RALGPS1: variants seen among roughly 807,000 people sequenced by gnomAD.
RALGPS1 encodes the protein ras-specific guanine nucleotide-releasing factor RalGPS1.
Under a neutral mutation model 78.8 loss-of-function variants are expected in RALGPS1, and 19 were observed. That is an observed-to-expected ratio of 0.24 (90% CI 0.17 to 0.35). The LOEUF (loss-of-function observed/expected upper bound fraction) is 0.35, where lower values mean the gene tolerates loss of function less well. RALGPS1 is among the 10% of genes least tolerant of loss of function. The pLI is 1.00. For synonymous variants in RALGPS1, 228 were observed against 256.3 expected, an observed-to-expected ratio of 0.89 and a Z score of 1.06; for missense variants, 454 against 688.3, an observed-to-expected ratio of 0.66 and a Z score of 3.81.
At chr9:127,069,083 A>G (rs745538240) in intron 7 of RALGPS1, 147 bp from the exon 8 acceptor site, 105 of 788,134 alleles carry the variant, frequency 1.3e-4, no homozygotes, top group Non-Finnish European at 1.9e-4. Flanking sequence ...TGCACGAAAC[A>G]GCCTTTTAAA....
chr9:127,093,443 A>T (rs141290453), intron 8 of RALGPS1, among the ~76,000 whole-genome samples: 3 of 151,634 alleles, frequency 2.0e-5, no homozygotes, highest in Non-Finnish European at 2.9e-5. Context: ...GCGTTTCTAA[A>T]CTCTCACCCT....
intron 2 of RALGPS1, among the ~76,000 whole-genome samples, chr9:126,965,571 T>A (rs1305285259): frequency 1.3e-5 from 2 of 152,214 alleles, no homozygotes; most frequent in African/African-American, 2.4e-5. Flanking sequence ...ATAGCTGAGA[T>A]ACCTTGGAGA....
intron 4 of RALGPS1, among the ~76,000 whole-genome samples, chr9:127,015,421 G>T (rs1355853464): frequency 6.6e-6 from 1 of 152,186 alleles, no homozygotes; most frequent in East Asian, 1.9e-4. Flanking sequence ...GATACAGTAA[G>T]CAAACTGTTA....
chr9:127,060,724 CAT>C (rs2049139341), intron 7 of RALGPS1, among the ~76,000 whole-genome samples: 1 of 152,148 alleles, frequency 6.6e-6, no homozygotes, highest in South Asian at 2.1e-4. Context: ...CTCTCCAAAA[CAT>C]ACCTTCAAGG....
chr9:127,003,893 T>G (rs1167255102), intron 4 of RALGPS1, among the ~76,000 whole-genome samples: 1 of 152,176 alleles, frequency 6.6e-6, no homozygotes, highest in Non-Finnish European at 1.5e-5. Context: ...AGCATCTCTG[T>G]CAGCACTTTA....
chr9:127,012,592 T>C (rs2044450131), intron 4 of RALGPS1, among the ~76,000 whole-genome samples: 1 of 152,172 alleles, frequency 6.6e-6, no homozygotes, highest in African/African-American at 2.4e-5. Context: ...GTGGAGGTAG[T>C]CAGGACGGGC....
chr9:126,963,447 A>G (rs1203564018), intron 2 of RALGPS1, among the ~76,000 whole-genome samples: 1 of 152,170 alleles, frequency 6.6e-6, no homozygotes, highest in African/African-American at 2.4e-5. Flanking sequence ...ATGTACATAT[A>G]TGTGTATCCA....
chr9:127,131,291 G>T (rs1347370924), intron 8 of RALGPS1, among the ~76,000 whole-genome samples: 1 of 152,222 alleles, frequency 6.6e-6, no homozygotes. Context: ...CACTAAACTA[G>T]TCTAAAGGGC....
At chr9:127,047,713 A>G (rs1229864798) in intron 5 of RALGPS1, among the ~76,000 whole-genome samples, 1 of 151,244 alleles carries the variant, frequency 6.6e-6, no homozygotes, top group Non-Finnish European at 1.5e-5. Flanking sequence ...AAAAAAAAAA[A>G]GGAAAAAAAG....
intron 8 of RALGPS1, among the ~76,000 whole-genome samples, chr9:127,154,332 C>T (rs1265610818): frequency 6.6e-6 from 1 of 152,250 alleles, no homozygotes; most frequent in East Asian, 1.9e-4. Context: ...GAGATGGCTC[C>T]TGCCATGGAG....
chr9:127,138,840 G>A (rs1394956231), intron 8 of RALGPS1, among the ~76,000 whole-genome samples: 1 of 152,158 alleles, frequency 6.6e-6, no homozygotes, highest in African/African-American at 2.4e-5. Flanking sequence ...CTCAGCTCAT[G>A]GTAGCCATTC....
intron 7 of RALGPS1, among the ~76,000 whole-genome samples, chr9:127,063,581 G>C (rs1282957245): frequency 6.6e-6 from 1 of 151,898 alleles, no homozygotes; most frequent in Non-Finnish European, 1.5e-5. Context: ...TTGATATTTA[G>C]CTTTTTTTAG....
intron 4 of RALGPS1, among the ~76,000 whole-genome samples, chr9:127,013,645 G>T (rs775893376): frequency 4.6e-5 from 7 of 152,182 alleles, no homozygotes; most frequent in Non-Finnish European, 1.0e-4. Context: ...TGCCCAATCT[G>T]TGGTTTTAAA....
In RALGPS1 at chr9:127,221,904, C is replaced by T. The variant is rs996897148; in HGVS notation, c.*3135C>T. 6.6e-6 allele frequency: 1 copy of T among 152,150 alleles called. No homozygotes were observed. The highest frequency in any genetic ancestry group is 6.5e-5 in the Admixed American group (1 of 15,282). The allele number at this position is 152,150 out of a possible 1,614,324, so 9.4% of individuals were successfully genotyped here. A position where few individuals can be genotyped will look rare whatever the true frequency, so the allele number is the denominator to read the frequency against. Reference sequence around the variant, plus strand: ...CCTCAGGTGGGGCCCAGAGCCCTTCCCCGAGACTGCTGATGTCTGTAACCA... The same window carrying T: ...CCTCAGGTGGGGCCCAGAGCCCTTCTCCGAGACTGCTGATGTCTGTAACCA... On this transcript the variant is annotated 3_prime_UTR_variant, in exon 19 of 19. Coordinates refer to ENST00000259351, the MANE Select transcript of RALGPS1 (RefSeq NM_014636.3).
chr9:127,217,047 C>T lies in RALGPS1; in HGVS notation c.1645-1693C>T, dbSNP rs968848034. The T allele has an allele frequency of 2.0e-6, 3 of 1,467,518 alleles. No homozygotes were observed. The South Asian group carries it at 4.2e-5, about 21-fold the overall frequency. 90.9% of individuals were successfully genotyped at this position (1,467,518 alleles called of 1,614,324 possible). On this transcript the variant is annotated intron_variant, in intron 18 of 18. Coordinates refer to ENST00000259351, the MANE Select transcript of RALGPS1 (RefSeq NM_014636.3). ...CCCAGTCAGGAGCAACAGTGGTAGC[C>T]CTGAGTAAAACCCATTGTCCCTCTT...
intron 8 of RALGPS1, among the ~76,000 whole-genome samples, chr9:127,075,130 C>T (rs1344174774): frequency 2.0e-5 from 3 of 152,206 alleles, no homozygotes; most frequent in Non-Finnish European, 4.4e-5. Context: ...TGCTTCCTGG[C>T]AGGTGCTTCC....
intron 6 of RALGPS1, among the ~76,000 whole-genome samples, chr9:127,051,977 G>A (rs537413577): frequency 6.6e-6 from 1 of 152,314 alleles, no homozygotes; most frequent in African/African-American, 2.4e-5. Flanking sequence ...GACTCATATT[G>A]TACTGAGCTC....
At position 127,222,996 on chromosome 9, in the gene RALGPS1, G is replaced by A. The variant is rs2062814791; in HGVS notation, c.*4227G>A. On this transcript the variant is annotated 3_prime_UTR_variant, in exon 19 of 19. Coordinates refer to ENST00000259351, the MANE Select transcript of RALGPS1 (RefSeq NM_014636.3). ...CGCAGTAACCACTGAACGTCAATCA[G>A]CCCTCCATGGGGTTCTTTCGATTTT... 1 of 152,592 alleles carries A rather than the reference G, an allele frequency of 6.6e-6. No individual in the cohort carries two copies. The highest frequency in any genetic ancestry group is 1.5e-5 in the Non-Finnish European group (1 of 68,044). 9.5% of individuals were successfully genotyped at this position (152,592 alleles called of 1,614,324 possible).
intron 4 of RALGPS1, among the ~76,000 whole-genome samples, chr9:126,987,790 G>T (rs192103345): frequency 2.0e-5 from 3 of 152,306 alleles, no homozygotes; most frequent in East Asian, 3.9e-4. Context: ...TGTGCTAAAT[G>T]CTGGAGAAAC....
Sources: gnomAD v4.1 joint callset for allele counts (sites outside exome capture counted in the v4.1 genomes callset) on GRCh38, gnomAD v4.1.1 for gene constraint, MANE v1.5 for transcripts, NCBI Gene and HGNC (gene_info 2026-07-23, HGNC 2026-07-21) for gene names.